Variants in DRC3 observed in about 807,000 individuals in gnomAD.
DRC3 encodes leucine rich repeat containing 48.
A neutral mutation model predicts 57.6 loss-of-function variants in DRC3; 45 were observed. That is an observed-to-expected ratio of 0.78 (90% confidence interval 0.62 to 1.00). The LOEUF (loss-of-function observed/expected upper bound fraction) is 1.00, where lower values mean the gene tolerates loss of function less well. Among genes scored for constraint, DRC3 ranks in the 50% least tolerant of loss-of-function variants. The pLI is 0.00. For synonymous variants in DRC3, 257 were observed against 272.3 expected, an observed-to-expected ratio of 0.94 and a Z score of 0.55; for missense variants, 655 against 675.2, an observed-to-expected ratio of 0.97 and a Z score of 0.33.
intron 4 of DRC3, among the ~76,000 whole-genome samples, chr17:17,987,705 G>A (rs2043026451): frequency 6.6e-6 from 1 of 152,184 alleles, no homozygotes; most frequent in Non-Finnish European, 1.5e-5. Flanking sequence ...CCCCAGCCAG[G>A]AGGATGATTG....
intron 12 of DRC3, chr17:18,010,829 T>C: frequency 2.8e-6 from 1 of 354,262 alleles, no homozygotes; most frequent in Non-Finnish European, 5.5e-6. Context: ...CTGGGCTGCC[T>C]GGTCAAGGAC....
At chr17:17,998,457 C>G (rs1307147407) in intron 9 of DRC3, among the ~76,000 whole-genome samples, 1 of 152,190 alleles carries the variant, frequency 6.6e-6, no homozygotes, top group Non-Finnish European at 1.5e-5. Flanking sequence ...TTGTAAATCA[C>G]AGATCTTTGT....
chr17:17,988,276 G>A, intron 5 of DRC3, 178 bp downstream of exon 5: 1 of 655,244 alleles, frequency 1.5e-6, no homozygotes, highest in Non-Finnish European at 2.4e-6. Flanking sequence ...TAAATACCAT[G>A]CTTACCCAAC....
intron 2 of DRC3, among the ~76,000 whole-genome samples, chr17:17,976,324 A>G (rs2042385248): frequency 6.6e-6 from 1 of 152,196 alleles, no homozygotes; most frequent in African/African-American, 2.4e-5. Context: ...TGACTGACCA[A>G]ATCTACAGAT....
chr17:17,982,741 ATT>A (rs1173618405), intron 3 of DRC3, among the ~76,000 whole-genome samples: 1 of 151,298 alleles, frequency 6.6e-6, no homozygotes, highest in Non-Finnish European at 1.5e-5. Flanking sequence ...CGCCCAGCCA[ATT>A]TTTTGTATCT....
chr17:17,975,769 G>A (rs183163203), intron 2 of DRC3, among the ~76,000 whole-genome samples: 1 of 152,298 alleles, frequency 6.6e-6, no homozygotes, highest in East Asian at 1.9e-4. Context: ...GTCTTGGGAG[G>A]ACGGAAGGCA....
At chr17:18,000,040 G>A (rs1356526333) in intron 9 of DRC3, among the ~76,000 whole-genome samples, 17 of 150,308 alleles carry the variant, frequency 1.1e-4, no homozygotes, top group Admixed American at 4.0e-4. Context: ...GTGTGTGTGC[G>A]TGTATGCATA....
At chr17:17,994,252 G>A (rs1568494117) in intron 6 of DRC3, 47 bp from the exon 7 acceptor site, 3 of 1,543,630 alleles carry the variant, frequency 1.9e-6, no homozygotes, top group Admixed American at 3.9e-5. Context: ...AGGCGGTGTG[G>A]CTCGGAGGAA....
rs1469297288 is a variant in DRC3, at chr17:18,006,921, C to T, written c.1203-103C>T. 5.9e-6 allele frequency: 9 copies of T among 1,516,316 alleles called. No homozygotes were observed. In the South Asian group the frequency reaches 7.5e-5, roughly 13 times the overall value. The allele number at this position is 1,516,316 out of a possible 1,614,324, so 93.9% of individuals were successfully genotyped here. On this transcript the variant is annotated intron_variant, in intron 11 of 13. Coordinates refer to ENST00000399187, the MANE Select transcript of DRC3 (RefSeq NM_031294.4). Reference sequence around the variant, plus strand: ...GGACGGTGCTGCCAGCCAGAATTTCCGAGCTCGCCTTGGGCCCTTAAAGTC... The same window carrying T: ...GGACGGTGCTGCCAGCCAGAATTTCTGAGCTCGCCTTGGGCCCTTAAAGTC...
At chr17:17,992,582 G>A (rs2043280410) in intron 5 of DRC3, among the ~76,000 whole-genome samples, 183 bp from the exon 6 acceptor site, 2 of 152,112 alleles carry the variant, frequency 1.3e-5, no homozygotes, top group Admixed American at 1.3e-4. Flanking sequence ...TCTGACAGAA[G>A]GTCTCGGTAC....
chr17:17,995,801 A>C (rs1264162661), intron 8 of DRC3: 1 of 152,318 alleles, frequency 6.6e-6, no homozygotes, highest in East Asian at 1.9e-4. Flanking sequence ...AGAAAAATTC[A>C]CTCAAAAACC....
At position 18,000,319 on chromosome 17, in the gene DRC3, C is replaced by T. The variant is rs1366098705; in HGVS notation, c.999+2685C>T. On this transcript the variant is annotated intron_variant, in intron 9 of 13. Coordinates refer to ENST00000399187, the MANE Select transcript of DRC3 (RefSeq NM_031294.4). ...GCTTTCGTGTGTGTGTGTGTGTGCG[C>T]GCATAGCATGCCCTGTTCTGTACTT... Among the ~76,000 whole-genome samples, 232 of 61,784 alleles carry T rather than the reference C, an allele frequency of 3.8e-3. 1 individual carries two copies. Among genetic ancestry groups the T allele is most frequent in the African/African-American group, 0.015 (222 of 15,148 alleles). The allele number at this position is 61,784 out of a possible 152,430, so 40.5% of individuals were successfully genotyped here.
intron 2 of DRC3, 136 bp from the exon 3 acceptor site, chr17:17,977,446 C>T (rs2042440099): frequency 9.8e-7 from 1 of 1,016,836 alleles, no homozygotes; most frequent in African/African-American, 1.6e-5. Context: ...CGAGATGCAG[C>T]AGACCCAGGG....
chr17:18,006,316 G>A, intron 11 of DRC3, 63 bp downstream of exon 11: 1 of 1,212,954 alleles, frequency 8.2e-7, no homozygotes, highest in East Asian at 2.4e-5. Flanking sequence ...GCTTGTCCCG[G>A]CCTCTGGACA....
intron 11 of DRC3, chr17:18,006,461 A>AGG (rs2043955223): frequency 1.7e-6 from 1 of 588,938 alleles, no homozygotes; most frequent in African/African-American, 1.9e-5. Flanking sequence ...GATTGTTCTC[A>AGG]TATGAGTGAT....
chr17:18,009,500 CTTTT>C (rs1178440750), intron 12 of DRC3, among the ~76,000 whole-genome samples: 1 of 152,208 alleles, frequency 6.6e-6, no homozygotes, highest in Non-Finnish European at 1.5e-5. Context: ...CTCATGTTTG[CTTTT>C]TTAATCTTCA....
In DRC3 at chr17:17,997,486, G is replaced by C. The variant is rs751012994; in HGVS notation, c.851G>C (p.Cys284Ser). 6.2e-7 allele frequency: 1 copy of C among 1,613,368 alleles called. No homozygotes were observed. The highest frequency in any genetic ancestry group is 1.3e-5 in the African/African-American group (1 of 75,020). ...TACAAGGACAAGTTTGTCATCATCT[G>C]CGTGAATATTTTTGAGTATGGCCTG... is the stretch of plus-strand genomic sequence containing the variant. ...ETYKDKFVII[C>S]VNIFEYGLKQ... The change falls in exon 9 of 14, where the codon TGC becomes TCC. Residue 284 changes from cysteine (C) to serine (S), a missense_variant. Transcript: ENST00000399187.
intron 3 of DRC3, among the ~76,000 whole-genome samples, chr17:17,979,964 C>T (rs528253531): frequency 4.6e-5 from 7 of 152,000 alleles, no homozygotes; most frequent in Non-Finnish European, 8.8e-5. Flanking sequence ...CCACCCAGCC[C>T]TGGGAACCCA....
Position 17,986,466 on chromosome 17 carries a change from CTT to C in DRC3, c.278-1447_278-1446del, listed in dbSNP as rs35727404. 2.4e-3 allele frequency among the ~76,000 whole-genome samples: 326 copies of C among 133,226 alleles called. 2 individuals carry two copies. Among genetic ancestry groups the C allele is most frequent in the African/African-American group, 8.5e-3 (304 of 35,938 alleles). 87.4% of individuals were successfully genotyped at this position (133,226 alleles called of 152,430 possible). A position where few individuals can be genotyped will look rare whatever the true frequency, so the allele number is the denominator to read the frequency against. ...TGGTTAAACTCATCTCCCAAATCACCTTTTTTTTTTTTTTTTTTTTGGACACA... is the reference window on the plus strand; with the variant it reads ...TGGTTAAACTCATCTCCCAAATCACCTTTTTTTTTTTTTTTTTTGGACACA... On this transcript the variant is annotated intron_variant, in intron 4 of 13. Coordinates refer to ENST00000399187, the MANE Select transcript of DRC3 (RefSeq NM_031294.4).
Sources: allele counts gnomAD v4.1 joint callset (sites outside exome capture counted in the v4.1 genomes callset), GRCh38; gene constraint gnomAD v4.1.1; transcripts MANE v1.5; gene names NCBI Gene and HGNC (gene_info 2026-07-23, HGNC 2026-07-21).